Variants in SLC35E3 observed in about 807,000 individuals in gnomAD.
SLC35E3 encodes solute carrier family 35 member E3, also known as bladder cancer-overexpressed gene 1 protein.
SLC35E3 carries 28 observed loss-of-function variants against 30.8 expected under a neutral mutation model. The observed-to-expected ratio is 0.91, with a 90% confidence interval of 0.67 to 1.25. The LOEUF is 1.25. Among genes scored for constraint, SLC35E3 ranks in the 50% most tolerant of loss-of-function variants. The pLI is 0.00. For missense variants in SLC35E3, 365 were observed against 375.4 expected (o/e 0.97, Z 0.23); for synonymous variants, 146 against 149.2 (o/e 0.98, Z 0.16).
chr12:68,748,389 G>C (rs1878675061), intron 2 of SLC35E3, among the ~76,000 whole-genome samples: 1 of 152,056 alleles, frequency 6.6e-6, no homozygotes, highest in African/African-American at 2.4e-5. Context: ...ACATTGTTGT[G>C]AAGGAGTGAG....
chr12:68,756,740 C>G (rs920069359), intron 3 of SLC35E3, among the ~76,000 whole-genome samples: 1 of 152,134 alleles, frequency 6.6e-6, no homozygotes, highest in Non-Finnish European at 1.5e-5. Context: ...AGTGGCTCAC[C>G]CCTGTAATCC....
rs757957244 is a variant in SLC35E3, at chr12:68,747,966, T to C, written c.439T>C (p.Tyr147His). ...TTTAGGTGTAATCCTAAATTCTTAT[T>C]ACGATGTGAAGTTTAATTTCCTTGG... ...ITLGVILNSY[Y>H]DVKFNFLGMV... Residue 147 changes from tyrosine to histidine, a missense_variant, in exon 2 of 5, where the codon TAC becomes CAC. Transcript: ENST00000398004. 6.2e-7 allele frequency: 1 copy of C among 1,607,974 alleles called. No individual in the cohort carries two copies. Among genetic ancestry groups the C allele is most frequent in the Admixed American group, 1.7e-5 (1 of 59,920 alleles).
intron 3 of SLC35E3, 84 bp downstream of exon 3, chr12:68,752,274 CTA>C: frequency 8.0e-7 from 1 of 1,250,836 alleles, no homozygotes; most frequent in South Asian, 1.5e-5. Flanking sequence ...TTTCAGAGCA[CTA>C]TGTCCGATCC....
At chr12:68,761,481 C>G (rs1230016336) in intron 4 of SLC35E3, among the ~76,000 whole-genome samples, 2 of 152,172 alleles carry the variant, frequency 1.3e-5, no homozygotes, top group Admixed American at 1.3e-4. Context: ...GGGCTGTTGA[C>G]TTTTTGGGCT....
At chr12:68,757,547 G>A (rs1879067812) in intron 3 of SLC35E3, among the ~76,000 whole-genome samples, 1 of 152,146 alleles carries the variant, frequency 6.6e-6, no homozygotes, top group Non-Finnish European at 1.5e-5. Flanking sequence ...CTATAAAAAG[G>A]AATAATATTT....
intron 3 of SLC35E3, among the ~76,000 whole-genome samples, chr12:68,756,703 AC>A (rs1196725436): frequency 6.6e-6 from 1 of 152,190 alleles, no homozygotes; most frequent in East Asian, 1.9e-4. Context: ...AGAATTAAAA[AC>A]AAAAATCACA....
At position 68,765,639 on chromosome 12, in the gene SLC35E3, TGTG is replaced by T. The variant is rs1565718917; in HGVS notation, c.*750_*752del. The T allele has an allele frequency of 2.7e-5, 2 of 75,280 alleles. No homozygotes were observed. Among genetic ancestry groups the T allele is most frequent in the African/African-American group, 9.8e-5 (2 of 20,368 alleles). The allele number at this position is 75,280 out of a possible 1,614,324, so 4.7% of individuals were successfully genotyped here. Reference sequence around the variant, plus strand: ...GTGTGTGTATATATATATATATGTGTGTGTGTGTGTGTGTATACATATATACAC... The same window carrying T: ...GTGTGTGTATATATATATATATGTGTTGTGTGTGTGTATACATATATACAC... On this transcript the variant is annotated 3_prime_UTR_variant, in exon 5 of 5. Transcript: ENST00000398004.
At position 68,747,791 on chromosome 12, in the gene SLC35E3, A is replaced by G. The variant is rs1878648808; in HGVS notation, c.403-139A>G. On this transcript the variant is annotated intron_variant, in intron 1 of 4. Transcript: ENST00000398004. ...GATTAACAACTAGTTTTCCCAAGTC[A>G]AAACAGAAAACATTTATACAGGTTC... 3 of 501,548 alleles carry G rather than the reference A, an allele frequency of 6.0e-6. No homozygotes were observed. In the South Asian group the frequency reaches 1.0e-4, roughly 17 times the overall value. 31.1% of individuals were successfully genotyped at this position (501,548 alleles called of 1,614,324 possible).
chr12:68,757,904 A>G lies in SLC35E3; in HGVS notation c.673-1253A>G, dbSNP rs371269478. ...GGAGTTCGAGACCAGCCTGGCCAAC[A>G]TGGTGAAACCCCATCTCTACCAAAA... On this transcript the variant is annotated intron_variant, in intron 3 of 4. Transcript: ENST00000398004. 4.0e-5 allele frequency among the ~76,000 whole-genome samples: 6 copies of G among 151,732 alleles called. No homozygotes were observed. In the South Asian group the frequency reaches 6.2e-4, roughly 16 times the overall value.
At position 68,752,857 on chromosome 12, in the gene SLC35E3, T is replaced by G. The variant is rs145938554; in HGVS notation, c.672+667T>G. 9.9e-3 allele frequency among the ~76,000 whole-genome samples: 1,462 copies of G among 146,962 alleles called. 74 individuals are homozygous for G. The highest frequency in any genetic ancestry group is 0.088 in the Admixed American group (1,308 of 14,880). On this transcript the variant is annotated intron_variant, in intron 3 of 4. Coordinates refer to ENST00000398004, the MANE Select transcript of SLC35E3 (RefSeq NM_018656.5). ...TTCTCTACTAAAAATACAAAAAAAT[T>G]AGCTGAGGCTGGGTGCGGTGGCTCA...
intron 3 of SLC35E3, among the ~76,000 whole-genome samples, chr12:68,755,684 C>T (rs1205188280): frequency 2.6e-5 from 4 of 151,918 alleles, no homozygotes; most frequent in Admixed American, 2.0e-4. Flanking sequence ...TGTCACATGG[C>T]GAGAGAGGGA....
chr12:68,759,040 A>G, intron 3 of SLC35E3, 117 bp from the exon 4 acceptor site: 1 of 820,614 alleles, frequency 1.2e-6, no homozygotes, highest in Non-Finnish European at 2.0e-6. Flanking sequence ...TCTCTTTCTA[A>G]TCTTATTTAT....
rs1879702336 is a variant in SLC35E3 at position 68,775,002 on chromosome 12, C to T, written c.*10112C>T. The stretch of plus-strand genomic sequence containing the variant: ...AGATGAAAAGTAAACCCCTATTTGG[C>T]TTACTCACTTAAAAAAATAATAATA... On this transcript the variant is annotated 3_prime_UTR_variant, in exon 5 of 5. Coordinates refer to ENST00000398004, the MANE Select transcript of SLC35E3 (RefSeq NM_018656.5). 6.6e-6 allele frequency: 1 copy of T among 151,614 alleles called. No homozygotes were observed. The highest frequency in any genetic ancestry group is 2.4e-5 in the African/African-American group (1 of 41,262). The allele number at this position is 151,614 out of a possible 1,614,324, so 9.4% of individuals were successfully genotyped here.
rs941308304 is a variant in SLC35E3 at position 68,777,555 on chromosome 12, A to G, written c.*12665A>G. 4 of 152,202 alleles carry G rather than the reference A, an allele frequency of 2.6e-5. No individual in the cohort carries two copies. Among genetic ancestry groups the G allele is most frequent in the Admixed American group, 2.6e-4 (4 of 15,262 alleles). The allele number at this position is 152,202 out of a possible 1,614,324, so 9.4% of individuals were successfully genotyped here. A position where few individuals can be genotyped will look rare whatever the true frequency, so the allele number is the denominator to read the frequency against. On this transcript the variant is annotated 3_prime_UTR_variant, in exon 5 of 5. Coordinates refer to ENST00000398004, the MANE Select transcript of SLC35E3 (RefSeq NM_018656.5). ...TGTTACCATGGAGTTCTTGAATTTC[A>G]TTATTTATCTCCCAACACAACTTTG...
intron 2 of SLC35E3, among the ~76,000 whole-genome samples, chr12:68,751,780 T>G (rs1878804096): frequency 6.6e-6 from 1 of 152,204 alleles, no homozygotes; most frequent in South Asian, 2.1e-4. Context: ...ATAGAGGACT[T>G]TTCTCCTCCT....
rs1879438649 is a variant in SLC35E3, at chr12:68,766,815, G to T, written c.*1925G>T. On this transcript the variant is annotated 3_prime_UTR_variant, in exon 5 of 5. Coordinates refer to ENST00000398004, the MANE Select transcript of SLC35E3 (RefSeq NM_018656.5). Reference sequence around the variant, plus strand: ...GCTCAGGCTGATCTCAAACTCTTGAGCTCAAGCCATCTGTCTGCCTCAGCC... The same window carrying T: ...GCTCAGGCTGATCTCAAACTCTTGATCTCAAGCCATCTGTCTGCCTCAGCC... 8.9e-6 allele frequency: 4 copies of T among 447,322 alleles called. No homozygotes were observed. The highest frequency in any genetic ancestry group is 2.0e-5 in the African/African-American group (1 of 49,668). 27.7% of individuals were successfully genotyped at this position (447,322 alleles called of 1,614,324 possible).
rs1879776491 is a variant in SLC35E3 at position 68,777,526 on chromosome 12, G to C, written c.*12636G>C. On this transcript the variant is annotated 3_prime_UTR_variant, in exon 5 of 5. Coordinates refer to ENST00000398004, the MANE Select transcript of SLC35E3 (RefSeq NM_018656.5). ...GTGTGGCCCCAGAGAGGAAAGACAA[G>C]GGCTGTTACCATGGAGTTCTTGAAT... 1.3e-5 allele frequency: 2 copies of C among 152,212 alleles called. No homozygotes were observed. Among genetic ancestry groups the C allele is most frequent in the Non-Finnish European group, 2.9e-5 (2 of 68,050 alleles). 9.4% of individuals were successfully genotyped at this position (152,212 alleles called of 1,614,324 possible). A position where few individuals can be genotyped will look rare whatever the true frequency, so the allele number is the denominator to read the frequency against.
At chr12:68,747,730 A>G (rs1878646883) in intron 1 of SLC35E3, among the ~76,000 whole-genome samples, 200 bp from the exon 2 acceptor site, 1 of 152,230 alleles carries the variant, frequency 6.6e-6, no homozygotes, top group Non-Finnish European at 1.5e-5. Context: ...TGTGAATATC[A>G]ATATAGATTT....
chr12:68,766,689 A>G lies in SLC35E3; in HGVS notation c.*1799A>G, dbSNP rs750992534. On this transcript the variant is annotated 3_prime_UTR_variant, in exon 5 of 5. Transcript: ENST00000398004. ...AGCCTCAGCCTCCTGGGCTCAAGCA[A>G]TCCTCCTGCCTCAACCTCCCCAGTA... 9.4e-6 allele frequency: 4 copies of G among 424,180 alleles called. No homozygotes were observed. Among genetic ancestry groups the G allele is most frequent in the Non-Finnish European group, 1.4e-5 (3 of 211,350 alleles). The allele number at this position is 424,180 out of a possible 1,614,324, so 26.3% of individuals were successfully genotyped here.
Sources: allele counts gnomAD v4.1 joint callset (sites outside exome capture counted in the v4.1 genomes callset), GRCh38; gene constraint gnomAD v4.1.1; transcripts MANE v1.5; gene names NCBI Gene and HGNC (gene_info 2026-07-23, HGNC 2026-07-21).